Variants in MAGI2 observed in about 807,000 individuals in gnomAD.
MAGI2 encodes the protein membrane-associated guanylate kinase, WW and PDZ domain-containing protein 2.
A neutral mutation model predicts 133.3 loss-of-function variants in MAGI2; 35 were observed. That is an observed-to-expected ratio of 0.26 (90% CI 0.20 to 0.35). The LOEUF (loss-of-function observed/expected upper bound fraction) is 0.35, where lower values mean the gene tolerates loss of function less well. Among genes scored for constraint, MAGI2 ranks in the 10% least tolerant of loss-of-function variants. The probability of loss-of-function intolerance (pLI) is 1.00; values close to 1 mark genes in which losing one functional copy is unlikely to be tolerated. For missense variants in MAGI2, 1,636 were observed against 1,863.4 expected (o/e 0.88, Z 2.25); for synonymous variants, 729 against 710.6 (o/e 1.03, Z -0.41).
chr7:78,373,171 G>A (rs1051880349), intron 6 of MAGI2, among the ~76,000 whole-genome samples: 32 of 152,096 alleles, frequency 2.1e-4, no homozygotes, highest in South Asian at 6.2e-4. Flanking sequence ...CAAGTGGACA[G>A]ATATTCAATA....
chr7:79,366,550 T>C (rs2129128321), intron 1 of MAGI2, among the ~76,000 whole-genome samples: 1 of 152,290 alleles, frequency 6.6e-6, no homozygotes, highest in South Asian at 2.1e-4. Flanking sequence ...TAACCTCACA[T>C]AAATGATTCC....
At chr7:78,134,762 G>C (rs11975124) in intron 17 of MAGI2, 4 of 348,170 alleles carry the variant, frequency 1.1e-5, no homozygotes, top group Non-Finnish European at 1.6e-5. Context: ...ATAACCTGGC[G>C]TCTTGGAATT....
chr7:78,063,774 T>C (rs6977382), intron 21 of MAGI2, among the ~76,000 whole-genome samples: 110,579 of 152,066 alleles, frequency 0.73, 40,413 homozygotes, highest in East Asian at 0.88. Flanking sequence ...GTTTACTGCC[T>C]GCTTTGGGTT....
At chr7:79,354,452 G>A (rs1841887052) in intron 1 of MAGI2, 1 of 152,276 alleles carries the variant, frequency 6.6e-6, no homozygotes, top group Non-Finnish European at 1.5e-5. Flanking sequence ...GTTAGAGCCT[G>A]AGAATACTAG....
chr7:78,536,022 G>A (rs542650383), intron 3 of MAGI2, among the ~76,000 whole-genome samples: 11 of 148,300 alleles, frequency 7.4e-5, no homozygotes, highest in Non-Finnish European at 1.3e-4. Flanking sequence ...TAAAAACCCC[G>A]ATCCCCAGAT....
chr7:78,526,204 C>A (rs933476728), intron 3 of MAGI2, among the ~76,000 whole-genome samples: 26 of 152,264 alleles, frequency 1.7e-4, no homozygotes, highest in African/African-American at 6.3e-4. Context: ...TCGCAACCTG[C>A]CCAGAACTCA....
intron 5 of MAGI2, among the ~76,000 whole-genome samples, chr7:78,495,702 C>A (rs866285156): frequency 2.8e-4 from 42 of 152,154 alleles, no homozygotes; most frequent in Middle Eastern, 3.2e-3. Context: ...CCTACAATTT[C>A]TCTTAAGCAT....
intron 21 of MAGI2, chr7:78,026,138 A>G (rs1244572649): frequency 6.6e-6 from 1 of 152,530 alleles, no homozygotes; most frequent in African/African-American, 2.4e-5. Flanking sequence ...ATAAGTACAT[A>G]TCAGTATATA....
chr7:78,670,280 A>G (rs565355767), intron 2 of MAGI2, among the ~76,000 whole-genome samples: 6 of 152,326 alleles, frequency 3.9e-5, no homozygotes. Flanking sequence ...CACCAATAAC[A>G]GACAAACAGA....
chr7:78,266,727 G>A (rs1025805063), intron 9 of MAGI2, among the ~76,000 whole-genome samples: 3 of 151,706 alleles, frequency 2.0e-5, no homozygotes, highest in Non-Finnish European at 4.4e-5. Flanking sequence ...ACAGGATCAC[G>A]CCACTACACC....
At chr7:79,132,115 C>G (rs985708426) in intron 1 of MAGI2, among the ~76,000 whole-genome samples, 12 of 152,046 alleles carry the variant, frequency 7.9e-5, no homozygotes, top group African/African-American at 2.7e-4. Context: ...TAATATCTTG[C>G]TGAAGGTAGA....
At chr7:79,450,341 A>T (rs964128190) in intron 1 of MAGI2, among the ~76,000 whole-genome samples, 1 of 150,264 alleles carries the variant, frequency 6.7e-6, no homozygotes, top group Non-Finnish European at 1.5e-5. Flanking sequence ...GTTCTGAAAA[A>T]TTTCATTTTT....
intron 20 of MAGI2, among the ~76,000 whole-genome samples, chr7:78,086,636 T>C (rs1421679563): frequency 1.4e-5 from 1 of 72,936 alleles, no homozygotes; most frequent in Non-Finnish European, 3.1e-5. Flanking sequence ...CCCATTATTA[T>C]TATTATTTTT....
intron 6 of MAGI2, among the ~76,000 whole-genome samples, chr7:78,448,752 G>A (rs946027745): frequency 1.3e-5 from 2 of 151,962 alleles, no homozygotes; most frequent in African/African-American, 4.8e-5. Context: ...ATATTTATGT[G>A]TAGGCTTATG....
At chr7:79,070,022 C>A (rs553664509) in intron 1 of MAGI2, among the ~76,000 whole-genome samples, 2 of 152,312 alleles carry the variant, frequency 1.3e-5, no homozygotes, top group East Asian at 3.9e-4. Flanking sequence ...ACCTTTCTCT[C>A]TGCCTACCCT....
At chr7:78,649,980 A>G (rs1233230839) in intron 2 of MAGI2, among the ~76,000 whole-genome samples, 1 of 152,216 alleles carries the variant, frequency 6.6e-6, no homozygotes, top group Non-Finnish European at 1.5e-5. Context: ...TCTGATAAGC[A>G]GGCCTGGGTA....
intron 12 of MAGI2, among the ~76,000 whole-genome samples, chr7:78,190,990 A>G (rs1296765835): frequency 6.6e-6 from 1 of 152,242 alleles, no homozygotes; most frequent in Non-Finnish European, 1.5e-5. Flanking sequence ...AGAGACTATT[A>G]TCACATACAG....
chr7:79,059,079 A>T (rs1813461111), intron 1 of MAGI2, among the ~76,000 whole-genome samples: 1 of 152,054 alleles, frequency 6.6e-6, no homozygotes, highest in African/African-American at 2.4e-5. Context: ...TTGGTGCATT[A>T]CCTTTAACGG....
At chr7:78,429,122 G>A (rs1478044033) in intron 6 of MAGI2, among the ~76,000 whole-genome samples, 1 of 152,092 alleles carries the variant, frequency 6.6e-6, no homozygotes, top group South Asian at 2.1e-4. Context: ...GAGTACAGGA[G>A]GGAGGCCATT....
Sources: allele counts gnomAD v4.1 joint callset (sites outside exome capture counted in the v4.1 genomes callset), GRCh38; gene constraint gnomAD v4.1.1; transcripts MANE v1.5; gene names NCBI Gene and HGNC (gene_info 2026-07-23, HGNC 2026-07-21).